DISP1: variants seen among roughly 807,000 people sequenced by gnomAD.
The protein encoded by DISP1 is protein dispatched homolog 1.
A neutral mutation model predicts 37.3 loss-of-function variants in DISP1; 30 were observed. That is an observed-to-expected ratio of 0.80 (90% confidence interval 0.60 to 1.09). The LOEUF (loss-of-function observed/expected upper bound fraction) is 1.09. Among genes scored for constraint, DISP1 ranks in the 50% least tolerant of loss-of-function variants. The probability of loss-of-function intolerance (pLI) is 0.00; values close to 1 mark genes in which losing one functional copy is unlikely to be tolerated. For synonymous variants in DISP1, 634 were observed against 690.2 expected (o/e 0.92, Z 1.28); for missense variants, 1,598 against 1,879.5 (o/e 0.85, Z 2.77).
At chr1:222,973,080 T>A (rs951044208) in intron 3 of DISP1, among the ~76,000 whole-genome samples, 2 of 152,228 alleles carry the variant, frequency 1.3e-5, no homozygotes, top group Non-Finnish European at 2.9e-5. Context: ...TGTATAATGT[T>A]ACTTCTTTTC....
At chr1:222,942,157 T>A (rs181636116) in intron 2 of DISP1, among the ~76,000 whole-genome samples, 13 of 152,252 alleles carry the variant, frequency 8.5e-5, no homozygotes, top group Non-Finnish European at 1.2e-4. Flanking sequence ...ATAGTATTAT[T>A]TTTCTCATGT....
At chr1:222,925,552 T>C (rs1435072727) in intron 1 of DISP1, among the ~76,000 whole-genome samples, 2 of 152,324 alleles carry the variant, frequency 1.3e-5, no homozygotes, top group East Asian at 3.9e-4. Flanking sequence ...GATTGACTCC[T>C]TTAATATATT....
intron 1 of DISP1, among the ~76,000 whole-genome samples, chr1:222,897,318 T>C (rs73128645): frequency 0.026 from 3,925 of 152,188 alleles, 182 homozygotes; most frequent in African/African-American, 0.088. Flanking sequence ...TGGGATATAG[T>C]GGGGTGATTA....
intron 2 of DISP1, among the ~76,000 whole-genome samples, chr1:222,941,169 G>A (rs533168304): frequency 9.2e-5 from 14 of 152,198 alleles, no homozygotes; most frequent in East Asian, 7.7e-4. Flanking sequence ...TGCTCTTGCC[G>A]GTCAGTATAT....
intron 1 of DISP1, among the ~76,000 whole-genome samples, chr1:222,917,909 G>A (rs951665594): frequency 2.6e-5 from 4 of 152,178 alleles, no homozygotes; most frequent in African/African-American, 9.7e-5. Flanking sequence ...ACTAAAGTGG[G>A]AAAATGTCAT....
intron 1 of DISP1, among the ~76,000 whole-genome samples, chr1:222,895,404 AT>A (rs1671194955): frequency 6.6e-6 from 1 of 152,168 alleles, no homozygotes; most frequent in Admixed American, 6.5e-5. Flanking sequence ...TTTGGCTTAT[AT>A]TTATTGTTTT....
intron 1 of DISP1, among the ~76,000 whole-genome samples, chr1:222,870,457 T>G (rs1288671185): frequency 4.6e-5 from 7 of 152,156 alleles, no homozygotes; most frequent in Admixed American, 4.6e-4. Flanking sequence ...ACCTGTTGTT[T>G]CCTGACTTTT....
Position 222,947,299 on chromosome 1 carries a change from A to G in DISP1, c.509+3967A>G, listed in dbSNP as rs201086758. ...TTTTGTCTGGCTTATTTCACTCCAC[A>G]TAATGTCTTCAAGGGTCATTCATGT... On this transcript the variant is annotated intron_variant, in intron 3 of 8. Coordinates refer to ENST00000675850, the MANE Select transcript of DISP1 (RefSeq NM_001377229.1). Among the ~76,000 whole-genome samples, 8 of 152,282 alleles carry G rather than the reference A, an allele frequency of 5.3e-5. No homozygotes were observed. The East Asian group carries it at 1.2e-3, about 22-fold the overall frequency.
chr1:222,927,154 T>C (rs937203865), intron 1 of DISP1, among the ~76,000 whole-genome samples: 4 of 151,846 alleles, frequency 2.6e-5, no homozygotes, highest in African/African-American at 9.7e-5. Context: ...ACATTCCCGC[T>C]AGCAGTGTTT....
rs547496415 is a variant in DISP1, at chr1:222,965,107, A to G, written c.510-17973A>G. On this transcript the variant is annotated intron_variant, in intron 3 of 8. Transcript: ENST00000675850. ...GCAGTAGCACCTTCTACTTTATGAAAACAATAGAAAATTTCGCTGCAGTAT... is the reference window on the plus strand; with the variant it reads ...GCAGTAGCACCTTCTACTTTATGAAGACAATAGAAAATTTCGCTGCAGTAT... 1.3e-4 allele frequency among the ~76,000 whole-genome samples: 20 copies of G among 152,232 alleles called. No homozygotes were observed. The South Asian group carries it at 3.7e-3, about 28-fold the overall frequency.
chr1:222,890,153 A>C (rs1670861060), intron 1 of DISP1, among the ~76,000 whole-genome samples: 1 of 152,156 alleles, frequency 6.6e-6, no homozygotes, highest in African/African-American at 2.4e-5. Context: ...AGCTTTCTAT[A>C]TGTTAAGAAC....
intron 1 of DISP1, chr1:222,872,468 G>C (rs921395466): frequency 3.3e-5 from 5 of 152,162 alleles, no homozygotes; most frequent in Non-Finnish European, 7.3e-5. Flanking sequence ...TTCAGAGCCT[G>C]TTATTGGTCT....
chr1:222,858,049 A>G (rs995526351), intron 1 of DISP1, among the ~76,000 whole-genome samples: 5 of 152,192 alleles, frequency 3.3e-5, no homozygotes, highest in African/African-American at 1.2e-4. Flanking sequence ...CTATAAGGCT[A>G]TAGTAACCAA....
intron 3 of DISP1, among the ~76,000 whole-genome samples, chr1:222,976,478 T>C (rs2789958): frequency 0.26 from 39,353 of 151,668 alleles, 5,363 homozygotes; most frequent in Admixed American, 0.3. Context: ...CCATCATCTG[T>C]TTGTCACGTC....
Position 223,005,011 on chromosome 1 carries a change from CT to C in DISP1, c.3615del (p.Glu1206ArgfsTer22). 1.2e-6 allele frequency: 2 copies of C among 1,614,148 alleles called. No homozygotes were observed. The highest frequency in any genetic ancestry group is 1.7e-6 in the Non-Finnish European group (2 of 1,180,028). On this transcript the variant is annotated frameshift_variant, in exon 9 of 9. Transcript: ENST00000675850. LOFTEE classifies it low-confidence loss of function (END_TRUNC). The stretch of plus-strand genomic sequence containing the variant: ...CTGGCTTCCCACAGCTGCACTGCCC[CT>C]GAGAAGACCACTTATGAAGAGACCC... Reference protein sequence around the residue: ...EPLASHSCTAPEKTTYEETHI... With the variant: ...EPLASHSCTAXEKTTYEETHI...
chr1:222,985,733 T>C (rs1572701387), intron 4 of DISP1, among the ~76,000 whole-genome samples: 1 of 152,332 alleles, frequency 6.6e-6, no homozygotes, highest in Non-Finnish European at 1.5e-5. Flanking sequence ...TTATTTTCTG[T>C]ATTAGGCTGT....
chr1:222,874,854 G>A (rs547353166), intron 1 of DISP1, among the ~76,000 whole-genome samples: 2 of 152,034 alleles, frequency 1.3e-5, no homozygotes, highest in Middle Eastern at 3.4e-3. Context: ...AGAGTTTCCT[G>A]TTTTTCTCCT....
chr1:222,933,846 T>G (rs1165059265), intron 2 of DISP1, among the ~76,000 whole-genome samples: 5 of 152,032 alleles, frequency 3.3e-5, no homozygotes, highest in Non-Finnish European at 7.4e-5. Flanking sequence ...TTCTAGTTCC[T>G]TAAAAGTGTC....
chr1:222,970,688 A>C (rs1395700596), intron 3 of DISP1, among the ~76,000 whole-genome samples: 1 of 152,198 alleles, frequency 6.6e-6, no homozygotes, highest in Non-Finnish European at 1.5e-5. Flanking sequence ...ACTGAAGCCA[A>C]AGAGGCTAAA....
Sources: allele counts gnomAD v4.1 joint callset (sites outside exome capture counted in the v4.1 genomes callset), GRCh38; gene constraint gnomAD v4.1.1; transcripts MANE v1.5; gene names NCBI Gene and HGNC (gene_info 2026-07-23, HGNC 2026-07-21).